TRPM3: variants seen among roughly 807,000 people sequenced by gnomAD.
TRPM3 encodes the protein transient receptor potential cation channel subfamily M member 3, also known as long transient receptor potential channel 3.
TRPM3 carries 77 observed loss-of-function variants against 181.2 expected under a neutral mutation model. That is an observed-to-expected ratio of 0.42 (90% confidence interval 0.35 to 0.51). The LOEUF (loss-of-function observed/expected upper bound fraction) is 0.51, where lower values mean the gene tolerates loss of function less well. Among genes scored for constraint, TRPM3 ranks in the 20% least tolerant of loss-of-function variants. The pLI is 0.01. For missense variants in TRPM3, 1,759 were observed against 2,196.7 expected, an observed-to-expected ratio of 0.80 and a Z score of 3.98; for synonymous variants, 745 against 796.4, an observed-to-expected ratio of 0.94 and a Z score of 1.09.
chr9:71,273,625 C>T (rs1243343390), intron 1 of TRPM3, among the ~76,000 whole-genome samples: 2 of 152,168 alleles, frequency 1.3e-5, no homozygotes, highest in Non-Finnish European at 2.9e-5. Flanking sequence ...ACTCTGGGAA[C>T]TTTACAATGT....
intron 7 of TRPM3, among the ~76,000 whole-genome samples, chr9:70,779,515 C>T (rs898786870): frequency 1.3e-5 from 2 of 152,156 alleles, no homozygotes; most frequent in Admixed American, 1.3e-4. Flanking sequence ...TGACAAGTGA[C>T]AGGCTAGACA....
At chr9:70,973,003 C>T (rs1428211949) in intron 1 of TRPM3, among the ~76,000 whole-genome samples, 1 of 152,102 alleles carries the variant, frequency 6.6e-6, no homozygotes, top group Non-Finnish European at 1.5e-5. Flanking sequence ...ACTTTTAAGG[C>T]ATTGTGACAC....
intron 1 of TRPM3, among the ~76,000 whole-genome samples, chr9:71,419,151 A>G (rs561690655): frequency 6.6e-6 from 1 of 151,894 alleles, no homozygotes; most frequent in South Asian, 2.1e-4. Flanking sequence ...TCTACTTACT[A>G]GGGCAATTTT....
chr9:71,404,272 T>G (rs1401449077), intron 1 of TRPM3, among the ~76,000 whole-genome samples: 1 of 152,196 alleles, frequency 6.6e-6, no homozygotes, highest in Non-Finnish European at 1.5e-5. Context: ...GTCCAACACA[T>G]AAGAGATATA....
At chr9:70,829,507 G>C (rs10868899) in intron 5 of TRPM3, among the ~76,000 whole-genome samples, 66,169 of 151,878 alleles carry the variant, frequency 0.44, 15,274 homozygotes, top group Non-Finnish European at 0.5. Context: ...ATATAATTCT[G>C]AGCTTCTGAA....
chr9:70,650,636 T>C (rs1403333025), intron 9 of TRPM3, among the ~76,000 whole-genome samples: 1 of 152,230 alleles, frequency 6.6e-6, no homozygotes, highest in African/African-American at 2.4e-5. Flanking sequence ...TATGCTTTTG[T>C]TGGATCTCCA....
intron 6 of TRPM3, among the ~76,000 whole-genome samples, chr9:70,805,751 T>G (rs573023611): frequency 6.6e-6 from 1 of 152,158 alleles, no homozygotes; most frequent in African/African-American, 2.4e-5. Flanking sequence ...CTGCTTTACA[T>G]GTGCAAAAAT....
chr9:70,687,898 C>T (rs2067393953), intron 8 of TRPM3, among the ~76,000 whole-genome samples: 1 of 152,198 alleles, frequency 6.6e-6, no homozygotes, highest in Non-Finnish European at 1.5e-5. Flanking sequence ...CAGTGAACCA[C>T]ACTGACAACA....
At chr9:71,329,898 T>G (rs1463638934) in intron 1 of TRPM3, among the ~76,000 whole-genome samples, 1 of 152,218 alleles carries the variant, frequency 6.6e-6, no homozygotes, top group Non-Finnish European at 1.5e-5. Flanking sequence ...TCATGAACCC[T>G]TGTACAAATA....
chr9:71,292,356 G>T (rs915078191), intron 1 of TRPM3, among the ~76,000 whole-genome samples: 54 of 152,028 alleles, frequency 3.6e-4, no homozygotes, highest in African/African-American at 1.3e-3. Flanking sequence ...AAACAGAAAA[G>T]AAGATGTGAG....
At chr9:70,852,817 G>C (rs1021164457) in intron 3 of TRPM3, among the ~76,000 whole-genome samples, 2 of 152,130 alleles carry the variant, frequency 1.3e-5, no homozygotes, top group Admixed American at 1.3e-4. Flanking sequence ...CTAAGTCCTA[G>C]ATAATGCAAT....
In TRPM3 at chr9:70,601,024, C is replaced by T. The variant is rs573256652; in HGVS notation, c.2796+2318G>A. ...CAGCCCTCAGGCACCTGTCTTAGAACCCTGGGAGCCTGAGGAGCATCGTGG... is the reference window on the plus strand; with the variant it reads ...CAGCCCTCAGGCACCTGTCTTAGAATCCTGGGAGCCTGAGGAGCATCGTGG... On this transcript the variant is annotated intron_variant, in intron 20 of 25. Coordinates refer to ENST00000677713, the MANE Select transcript of TRPM3 (RefSeq NM_001366145.2). Among the ~76,000 whole-genome samples, 120 of 152,268 alleles carry T rather than the reference C, an allele frequency of 7.9e-4. 2 individuals are homozygous for T. The South Asian group carries it at 0.025, about 31-fold the overall frequency.
chr9:71,355,375 C>T (rs1039717829), intron 1 of TRPM3, among the ~76,000 whole-genome samples: 1 of 152,070 alleles, frequency 6.6e-6, no homozygotes, highest in African/African-American at 2.4e-5. Flanking sequence ...CATGTAAAGA[C>T]AGAGGCAAAA....
chr9:70,819,745 G>A (rs1392373579), intron 6 of TRPM3, among the ~76,000 whole-genome samples: 1 of 152,172 alleles, frequency 6.6e-6, no homozygotes. Flanking sequence ...CAAGTAGGGA[G>A]ATAACAAAGT....
chr9:71,251,562 A>AT (rs1203224607), intron 1 of TRPM3, among the ~76,000 whole-genome samples: 1 of 152,112 alleles, frequency 6.6e-6, no homozygotes, highest in Non-Finnish European at 1.5e-5. Flanking sequence ...CTCCAAAGGA[A>AT]TTTTTTTAAT....
At chr9:71,431,276 A>G (rs2093950141) in intron 1 of TRPM3, among the ~76,000 whole-genome samples, 1 of 152,226 alleles carries the variant, frequency 6.6e-6, no homozygotes, top group South Asian at 2.1e-4. Context: ...TTTGATTGAC[A>G]TCACATAAAG....
chr9:71,390,301 C>A (rs1029841338), intron 1 of TRPM3, among the ~76,000 whole-genome samples: 1 of 151,980 alleles, frequency 6.6e-6, no homozygotes, highest in African/African-American at 2.4e-5. Context: ...GTTTTTTATA[C>A]ACATAAAGGA....
At chr9:71,244,223 C>A (rs2081899504) in intron 1 of TRPM3, among the ~76,000 whole-genome samples, 2 of 152,124 alleles carry the variant, frequency 1.3e-5, no homozygotes, top group African/African-American at 4.8e-5. Context: ...GCATGAACTC[C>A]TCATCTTATA....
At chr9:71,248,761 C>T (rs957770254) in intron 1 of TRPM3, among the ~76,000 whole-genome samples, 3 of 152,222 alleles carry the variant, frequency 2.0e-5, no homozygotes, top group Admixed American at 2.0e-4. Context: ...ACTATTGTTA[C>T]ACATGTACGT....
Sources: allele counts gnomAD v4.1 joint callset (sites outside exome capture counted in the v4.1 genomes callset), GRCh38; gene constraint gnomAD v4.1.1; transcripts MANE v1.5; gene names NCBI Gene and HGNC (gene_info 2026-07-23, HGNC 2026-07-21).